The following SLC1A2 variants were observed in gnomAD, a reference collection of about 807,000 sequenced individuals.
SLC1A2 encodes excitatory amino acid transporter 2.
In SLC1A2, 15 loss-of-function variants were observed where a neutral mutation model predicts 48.8. That is an observed-to-expected ratio of 0.31 (90% CI 0.21 to 0.47). The LOEUF (loss-of-function observed/expected upper bound fraction) is 0.47, where lower values mean the gene tolerates loss of function less well. Ranked by LOEUF, SLC1A2 falls within the 20% of genes least tolerant of loss-of-function variation. SLC1A2 has a pLI of 0.99. For synonymous variants in SLC1A2, 279 were observed against 272.6 expected (o/e 1.02, Z -0.23); for missense variants, 502 against 730.5 (o/e 0.69, Z 3.61).
At chr11:35,359,047 C>G (rs1333547350) in intron 1 of SLC1A2, among the ~76,000 whole-genome samples, 1 of 152,214 alleles carries the variant, frequency 6.6e-6, no homozygotes, top group Admixed American at 6.5e-5. Flanking sequence ...TGCAACATCG[C>G]TGACACTTTT....
In SLC1A2 at chr11:35,252,990, A is replaced by G. The variant is rs2134553233; in HGVS notation, c.*7904T>C. On this transcript the variant is annotated 3_prime_UTR_variant, in exon 11 of 11. Transcript: ENST00000278379. ...TTTAATGAAGAGCAGGTTCAAATAC[A>G]TACCAATACACTTTCTATGTAACTG... is the stretch of plus-strand genomic sequence containing the variant. The G allele has an allele frequency of 6.6e-6, 1 of 152,512 alleles. No individual in the cohort carries two copies. The highest frequency in any genetic ancestry group is 2.4e-5 in the African/African-American group (1 of 41,580). The allele number at this position is 152,512 out of a possible 1,614,324, so 9.4% of individuals were successfully genotyped here.
At chr11:35,271,245 T>G (rs1049552821) in intron 9 of SLC1A2, among the ~76,000 whole-genome samples, 5 of 152,180 alleles carry the variant, frequency 3.3e-5, no homozygotes, top group Admixed American at 1.3e-4. Flanking sequence ...AGCATGTGAC[T>G]CAGTTATGAG....
At chr11:35,374,003 A>G (rs1437616080) in intron 1 of SLC1A2, among the ~76,000 whole-genome samples, 1 of 152,216 alleles carries the variant, frequency 6.6e-6, no homozygotes, top group Admixed American at 6.5e-5. Flanking sequence ...ATCTTGAGCA[A>G]GTTACTTAAA....
chr11:35,324,161 A>G (rs1852163915), intron 1 of SLC1A2, among the ~76,000 whole-genome samples: 1 of 152,250 alleles, frequency 6.6e-6, no homozygotes, highest in Non-Finnish European at 1.5e-5. Flanking sequence ...AATACAATGA[A>G]TGGCAGGTAT....
chr11:35,272,875 C>T (rs1055864364), intron 9 of SLC1A2, among the ~76,000 whole-genome samples: 3 of 152,136 alleles, frequency 2.0e-5, no homozygotes, highest in African/African-American at 4.8e-5. Context: ...GGGGCTTGAC[C>T]GAGTTACTTC....
intron 1 of SLC1A2, among the ~76,000 whole-genome samples, chr11:35,326,484 C>T (rs930959458): frequency 6.6e-6 from 1 of 152,190 alleles, no homozygotes; most frequent in African/African-American, 2.4e-5. Flanking sequence ...TTAGCTGCAG[C>T]GCCTTCAGGC....
intron 4 of SLC1A2, among the ~76,000 whole-genome samples, chr11:35,311,284 C>T (rs1037508803): frequency 6.6e-6 from 1 of 152,146 alleles, no homozygotes; most frequent in African/African-American, 2.4e-5. Context: ...CTCGGCCTCC[C>T]GAGTAGCTGG....
intron 1 of SLC1A2, among the ~76,000 whole-genome samples, chr11:35,372,629 A>T (rs1057460649): frequency 6.6e-6 from 1 of 152,224 alleles, no homozygotes; most frequent in Non-Finnish European, 1.5e-5. Context: ...ATTATAATCA[A>T]TAACTTATTA....
intron 10 of SLC1A2, among the ~76,000 whole-genome samples, chr11:35,262,317 G>A (rs944552275): frequency 2.6e-5 from 4 of 152,192 alleles, no homozygotes; most frequent in Non-Finnish European, 5.9e-5. Flanking sequence ...CACTTGGGGG[G>A]AAGTGTTTTT....
intron 10 of SLC1A2, among the ~76,000 whole-genome samples, chr11:35,261,289 C>G (rs16927209): frequency 1.3e-5 from 2 of 152,144 alleles, no homozygotes; most frequent in Non-Finnish European, 2.9e-5. Context: ...CCTTAAAATA[C>G]AGTGCCCATG....
intron 1 of SLC1A2, among the ~76,000 whole-genome samples, chr11:35,376,781 A>G (rs571534604): frequency 2.3e-4 from 35 of 152,326 alleles, no homozygotes; most frequent in Admixed American, 2.3e-3. Flanking sequence ...AGCAAAAACA[A>G]AAACCAGATT....
chr11:35,280,116 A>G (rs1850577493), intron 9 of SLC1A2, among the ~76,000 whole-genome samples: 1 of 151,962 alleles, frequency 6.6e-6, no homozygotes, highest in African/African-American at 2.4e-5. Context: ...TTCCCAGTTA[A>G]TCTCTATCCC....
intron 1 of SLC1A2, among the ~76,000 whole-genome samples, chr11:35,331,670 T>A (rs1852435633): frequency 6.6e-6 from 1 of 152,194 alleles, no homozygotes; most frequent in East Asian, 1.9e-4. Context: ...ATCCATTCTC[T>A]TCCCACCTTT....
At chr11:35,284,926 T>C (rs1263258925) in intron 8 of SLC1A2, among the ~76,000 whole-genome samples, 3 of 152,092 alleles carry the variant, frequency 2.0e-5, no homozygotes, top group African/African-American at 7.2e-5. Context: ...TTAGGAGAGA[T>C]CTCCTAAAAT....
chr11:35,329,935 A>G (rs1852376396), intron 1 of SLC1A2, among the ~76,000 whole-genome samples: 1 of 152,112 alleles, frequency 6.6e-6, no homozygotes, highest in South Asian at 2.1e-4. Flanking sequence ...TTCCCACAAC[A>G]CTCTCACAAG....
In SLC1A2 at chr11:35,254,205, A is replaced by G. The variant is rs879067751; in HGVS notation, c.*6689T>C. 6.6e-6 allele frequency: 1 copy of G among 152,658 alleles called. No individual in the cohort carries two copies. The highest frequency in any genetic ancestry group is 6.5e-5 in the Admixed American group (1 of 15,280). 9.5% of individuals were successfully genotyped at this position (152,658 alleles called of 1,614,324 possible). ...TAGAAAACAAATAGAAAAACAATATACAAAATCCTCAAAAAAGTAGTTTTT... is the reference window on the plus strand; with the variant it reads ...TAGAAAACAAATAGAAAAACAATATGCAAAATCCTCAAAAAAGTAGTTTTT... On this transcript the variant is annotated 3_prime_UTR_variant, in exon 11 of 11. Transcript: ENST00000278379.
chr11:35,418,328 C>A (rs769538618), intron 1 of SLC1A2: 1 of 152,342 alleles, frequency 6.6e-6, no homozygotes, highest in Non-Finnish European at 1.5e-5. Flanking sequence ...TCTGGCGACT[C>A]CTGCCCTTGT....
At chr11:35,414,390 T>C (rs1266778322) in intron 1 of SLC1A2, among the ~76,000 whole-genome samples, 2 of 152,336 alleles carry the variant, frequency 1.3e-5, no homozygotes, top group Non-Finnish European at 2.9e-5. Flanking sequence ...ATGCTAGTCC[T>C]TTTCTATTCT....
intron 3 of SLC1A2, 89 bp from the exon 4 acceptor site, chr11:35,312,537 T>C: frequency 7.2e-7 from 1 of 1,379,392 alleles, no homozygotes; most frequent in South Asian, 1.3e-5. Flanking sequence ...AGCTTCATAT[T>C]ACTCAAATGT....
Sources: gnomAD v4.1 joint callset for allele counts (sites outside exome capture counted in the v4.1 genomes callset) on GRCh38, gnomAD v4.1.1 for gene constraint, MANE v1.5 for transcripts, NCBI Gene and HGNC (gene_info 2026-07-23, HGNC 2026-07-21) for gene names.